Variants in SAE1 observed in about 807,000 individuals in gnomAD.
SAE1 encodes SUMO-activating enzyme subunit 1.
A neutral mutation model predicts 40.6 loss-of-function variants in SAE1; 11 were observed. The observed-to-expected ratio is 0.27, with a 90% CI of 0.17 to 0.45. SAE1 has a LOEUF of 0.45. Ranked by LOEUF, SAE1 falls within the 20% of genes least tolerant of loss-of-function variation. SAE1 has a pLI of 1.00. For missense variants in SAE1, 373 were observed against 427.3 expected (o/e 0.87, Z 1.12); for synonymous variants, 155 against 154.3 (o/e 1.00, Z -0.03).
intron 5 of SAE1, among the ~76,000 whole-genome samples, chr19:47,156,419 C>T (rs1847796291): frequency 1.3e-5 from 2 of 150,890 alleles, no homozygotes; most frequent in South Asian, 4.3e-4. Flanking sequence ...GCGGATGTTG[C>T]AGTGAGCCGA....
chr19:47,160,060 T>G (rs1329005689), intron 5 of SAE1, among the ~76,000 whole-genome samples: 1 of 152,110 alleles, frequency 6.6e-6, no homozygotes, highest in Non-Finnish European at 1.5e-5. Context: ...GAATTAACCT[T>G]CTAGTATATT....
At chr19:47,149,441 G>T (rs1289294867) in intron 2 of SAE1, among the ~76,000 whole-genome samples, 9 of 152,086 alleles carry the variant, frequency 5.9e-5, no homozygotes, top group Non-Finnish European at 1.5e-5. Flanking sequence ...AAAGTGCTGG[G>T]ATTACAGGTG....
chr19:47,173,947 G>C (rs1369513716), intron 6 of SAE1, among the ~76,000 whole-genome samples: 1 of 151,904 alleles, frequency 6.6e-6, no homozygotes, highest in African/African-American at 2.4e-5. Context: ...ACTATGCCTG[G>C]CTAATTTTTT....
chr19:47,140,316 C>T (rs942033052), intron 1 of SAE1, among the ~76,000 whole-genome samples: 7 of 151,884 alleles, frequency 4.6e-5, no homozygotes, highest in Non-Finnish European at 8.8e-5. Flanking sequence ...CCTTGTTAGC[C>T]AGGATGGTCT....
chr19:47,181,187 A>G (rs2058503866), intron 6 of SAE1, among the ~76,000 whole-genome samples: 1 of 152,010 alleles, frequency 6.6e-6, no homozygotes, highest in South Asian at 2.1e-4. Flanking sequence ...GTGGTGGTGC[A>G]TGCCTGTAAT....
intron 1 of SAE1, 109 bp from the exon 2 acceptor site, chr19:47,143,385 A>C: frequency 1.3e-6 from 1 of 793,264 alleles, no homozygotes; most frequent in Non-Finnish European, 2.1e-6. Flanking sequence ...GATTACAGGC[A>C]TGAGCCACCG....
intron 1 of SAE1, among the ~76,000 whole-genome samples, chr19:47,140,512 A>T (rs1426621916): frequency 6.6e-6 from 1 of 151,920 alleles, no homozygotes; most frequent in Non-Finnish European, 1.5e-5. Flanking sequence ...TTGGCCTCCC[A>T]AAGTGATGGG....
At chr19:47,155,091 T>A (rs1229948784) in intron 4 of SAE1, 23 bp from the exon 5 acceptor site, 5 of 1,411,366 alleles carry the variant, frequency 3.5e-6, no homozygotes, top group Non-Finnish European at 4.0e-6. Flanking sequence ...AAAATTACAT[T>A]CTCTCCCCTT....
At chr19:47,163,942 G>A (rs373059534) in intron 5 of SAE1, among the ~76,000 whole-genome samples, 1 of 150,154 alleles carries the variant, frequency 6.7e-6, no homozygotes, top group East Asian at 2.1e-4. Flanking sequence ...GCTAAGTTTT[G>A]TATTTTAAGT....
At chr19:47,179,810 C>T (rs2058495202) in intron 6 of SAE1, among the ~76,000 whole-genome samples, 1 of 152,160 alleles carries the variant, frequency 6.6e-6, no homozygotes, top group African/African-American at 2.4e-5. Flanking sequence ...AGTGAGCCTC[C>T]TGCCCAAAGT....
chr19:47,172,812 T>C (rs919377345), intron 6 of SAE1, among the ~76,000 whole-genome samples: 2 of 151,304 alleles, frequency 1.3e-5, no homozygotes, highest in Admixed American at 6.6e-5. Context: ...TCTTCACGGA[T>C]GACAGAGTTC....
intron 1 of SAE1, among the ~76,000 whole-genome samples, chr19:47,133,185 T>TG (rs1334710225): frequency 6.6e-6 from 1 of 152,212 alleles, no homozygotes; most frequent in African/African-American, 2.4e-5. Context: ...GAAAACCTGT[T>TG]GGAGTGTTTT....
At chr19:47,181,454 GTTTTTCTTGT>G (rs1261698066) in intron 6 of SAE1, among the ~76,000 whole-genome samples, 1 of 137,396 alleles carries the variant, frequency 7.3e-6, no homozygotes, top group Non-Finnish European at 1.6e-5. Context: ...TTTTTGTTTT[GTTTTTCTTGT>G]TTTTTCTTTT....
intron 6 of SAE1, among the ~76,000 whole-genome samples, chr19:47,175,133 CCTA>C (rs2058461483): frequency 2.7e-5 from 1 of 37,476 alleles, no homozygotes; most frequent in African/African-American, 8.4e-5. Context: ...TTTTTTTTTG[CCTA>C]CTGTAAAGTC....
intron 4 of SAE1, among the ~76,000 whole-genome samples, chr19:47,153,822 G>A (rs1475112847): frequency 6.6e-6 from 1 of 152,034 alleles, no homozygotes; most frequent in Non-Finnish European, 1.5e-5. Flanking sequence ...ACGGAGTTTT[G>A]CTGTTGTTGC....
intron 6 of SAE1, among the ~76,000 whole-genome samples, chr19:47,172,750 T>A (rs160263): frequency 0.064 from 9,516 of 149,450 alleles, 926 homozygotes; most frequent in African/African-American, 0.22. Flanking sequence ...TACTCCAGAG[T>A]TGAAAAGTGT....
At chr19:47,135,224 T>C (rs1197812872) in intron 1 of SAE1, among the ~76,000 whole-genome samples, 2 of 152,174 alleles carry the variant, frequency 1.3e-5, no homozygotes, top group South Asian at 2.1e-4. Context: ...AACAAATTAT[T>C]GTTGACTGTA....
At chr19:47,187,574 T>G (rs939358872) in intron 6 of SAE1, among the ~76,000 whole-genome samples, 18 of 152,096 alleles carry the variant, frequency 1.2e-4, no homozygotes, top group African/African-American at 4.1e-4. Context: ...CCAGCTGGAG[T>G]GCAGTGGTGC....
chr19:47,146,955 C>T (rs1258401962), intron 2 of SAE1, among the ~76,000 whole-genome samples: 1 of 152,118 alleles, frequency 6.6e-6, no homozygotes, highest in African/African-American at 2.4e-5. Context: ...AGGAAGAAAT[C>T]TGCACCAGAA....
Sources: gnomAD v4.1 joint callset for allele counts (sites outside exome capture counted in the v4.1 genomes callset) on GRCh38, gnomAD v4.1.1 for gene constraint, MANE v1.5 for transcripts, NCBI Gene and HGNC (gene_info 2026-07-23, HGNC 2026-07-21) for gene names.